MTUS2: variants seen among roughly 807,000 people sequenced by gnomAD.
MTUS2 encodes microtubule associated scaffold protein 2.
A neutral mutation model predicts 114.1 loss-of-function variants in MTUS2; 40 were observed. The ratio of observed to expected loss-of-function variants is 0.35; its 90% CI spans 0.27 to 0.46. The LOEUF (loss-of-function observed/expected upper bound fraction) is 0.46. MTUS2 is among the 20% of genes least tolerant of loss of function. The probability of loss-of-function intolerance (pLI) is 1.00; values close to 1 mark genes in which losing one functional copy is unlikely to be tolerated. For missense variants in MTUS2, 1,679 were observed against 1,705.4 expected (o/e 0.98, Z 0.27); for synonymous variants, 688 against 672.0 (o/e 1.02, Z -0.37).
chr13:29,324,898 T>G (rs1287112482), intron 7 of MTUS2, among the ~76,000 whole-genome samples, 187 bp downstream of exon 7: 2 of 152,236 alleles, frequency 1.3e-5, no homozygotes, highest in East Asian at 3.8e-4. Flanking sequence ...CATTTAATCT[T>G]AAAAAACAAG....
chr13:28,929,521 G>A (rs1362184341), intron 2 of MTUS2, among the ~76,000 whole-genome samples: 1 of 151,990 alleles, frequency 6.6e-6, no homozygotes, highest in Non-Finnish European at 1.5e-5. Context: ...TTTGAGCTTG[G>A]CCTGAAATAT....
intron 2 of MTUS2, among the ~76,000 whole-genome samples, chr13:28,897,431 A>G (rs1879346143): frequency 6.6e-6 from 1 of 152,228 alleles, no homozygotes; most frequent in Non-Finnish European, 1.5e-5. Context: ...AGAAATAGGA[A>G]CACATTTACA....
In MTUS2 at chr13:29,025,459, G is replaced by A. The variant is rs753996792; in HGVS notation, c.761G>A (p.Ser254Asn). 5.0e-6 allele frequency: 8 copies of A among 1,612,596 alleles called. No homozygotes were observed. The East Asian group carries it at 8.9e-5, about 18-fold the overall frequency. ...CCATCTACCTCAGAAAGCAAGCAGAGCACTCCCTCAGAGACCCAAACAGTG... is the reference window on the plus strand; with the variant it reads ...CCATCTACCTCAGAAAGCAAGCAGAACACTCCCTCAGAGACCCAAACAGTG... ...PKPSTSESKQ[S>N]TPSETQTVGA... is the part of the protein sequence containing the mutation. The change falls in exon 3 of 16, where the codon AGC becomes AAC. Residue 254 changes from serine (S) to asparagine (N), a missense_variant. Ser to Asn is a conservative substitution (Grantham distance 46). Transcript: ENST00000612955.
At chr13:29,492,098 GGTGT>G (rs1385356074) in intron 11 of MTUS2, among the ~76,000 whole-genome samples, 51 of 144,344 alleles carry the variant, frequency 3.5e-4, no homozygotes, top group African/African-American at 1.0e-3. Context: ...ATGCGTGGTA[GGTGT>G]GTATGTGTGT....
At chr13:29,267,360 T>C (rs1897704658) in intron 5 of MTUS2, among the ~76,000 whole-genome samples, 1 of 152,178 alleles carries the variant, frequency 6.6e-6, no homozygotes, top group Non-Finnish European at 1.5e-5. Context: ...CGTCCACCCT[T>C]GAGTGCCTTC....
intron 4 of MTUS2, among the ~76,000 whole-genome samples, chr13:29,052,459 CAAA>C (rs11325314): frequency 1.1e-4 from 10 of 94,832 alleles, no homozygotes; most frequent in Admixed American, 1.1e-4. Context: ...CTAGCCTGAG[CAAA>C]AAAAAAAAAA....
intron 5 of MTUS2, among the ~76,000 whole-genome samples, chr13:29,246,030 A>G (rs930725569): frequency 5.3e-5 from 8 of 152,188 alleles, no homozygotes; most frequent in Non-Finnish European, 1.2e-4. Flanking sequence ...CTTCTAGAAA[A>G]TGATCCCGGT....
At chr13:28,992,754 A>G (rs760945418) in intron 2 of MTUS2, among the ~76,000 whole-genome samples, 7 of 152,282 alleles carry the variant, frequency 4.6e-5, no homozygotes, top group African/African-American at 1.7e-4. Context: ...TATACACAAC[A>G]TACAATTTTC....
At chr13:28,841,600 G>A in intron 2 of MTUS2, among the ~76,000 whole-genome samples, 1 of 152,134 alleles carries the variant, frequency 6.6e-6, no homozygotes, top group Non-Finnish European at 1.5e-5. Context: ...GGGTGCTGGA[G>A]ACAAATTGAC....
At chr13:29,085,145 C>T (rs1889634214) in intron 4 of MTUS2, among the ~76,000 whole-genome samples, 1 of 152,140 alleles carries the variant, frequency 6.6e-6, no homozygotes, top group South Asian at 2.1e-4. Context: ...TTCCCTTTAC[C>T]TTCCACCATG....
At chr13:29,064,800 G>C (rs1241236355) in intron 4 of MTUS2, among the ~76,000 whole-genome samples, 1 of 152,046 alleles carries the variant, frequency 6.6e-6, no homozygotes, top group Non-Finnish European at 1.5e-5. Context: ...CCCTCAGGCA[G>C]GCTCCAGTGT....
At chr13:29,295,845 T>A in intron 6 of MTUS2, among the ~76,000 whole-genome samples, 1 of 152,074 alleles carries the variant, frequency 6.6e-6, no homozygotes, top group East Asian at 1.9e-4. Flanking sequence ...GAACTGCATT[T>A]TATAAAACCA....
chr13:29,365,051 T>G (rs960851000), intron 8 of MTUS2, among the ~76,000 whole-genome samples: 1 of 152,190 alleles, frequency 6.6e-6, no homozygotes, highest in Admixed American at 6.5e-5. Context: ...CTATGGTTGT[T>G]GTTCTGAAAG....
chr13:29,479,432 A>G (rs1880976352), intron 9 of MTUS2, among the ~76,000 whole-genome samples: 1 of 152,208 alleles, frequency 6.6e-6, no homozygotes, highest in Non-Finnish European at 1.5e-5. Context: ...GAGCTCAGGC[A>G]GGAGCGATGG....
chr13:28,849,421 T>G (rs1566175422), intron 2 of MTUS2, among the ~76,000 whole-genome samples: 1 of 152,138 alleles, frequency 6.6e-6, no homozygotes, highest in Non-Finnish European at 1.5e-5. Flanking sequence ...GAAAGCCCAG[T>G]TGGTCTACAG....
rs528708759 is a variant in MTUS2 at position 29,159,603 on chromosome 13, T to C, written c.2644+58633T>C. Reference sequence around the variant, plus strand: ...ATAGAAGATATTTGCAAACCACATATCTGACAAAGGACTAATATACATAAA... The same window carrying C: ...ATAGAAGATATTTGCAAACCACATACCTGACAAAGGACTAATATACATAAA... On this transcript the variant is annotated intron_variant, in intron 5 of 15. Transcript: ENST00000612955. 9.9e-5 allele frequency among the ~76,000 whole-genome samples: 15 copies of C among 151,600 alleles called. No individual in the cohort carries two copies. In the South Asian group the frequency reaches 3.1e-3, roughly 32 times the overall value.
chr13:29,039,106 CCAGTGCTTCCCATTGACATAGAGGA>C (rs1396464226), intron 4 of MTUS2, among the ~76,000 whole-genome samples: 3 of 152,184 alleles, frequency 2.0e-5, no homozygotes, highest in Non-Finnish European at 4.4e-5. Flanking sequence ...AGGTGCGGAC[CCAGTGCTTCCCATTGACATAGAGGA>C]CTTTGTAGCG....
At chr13:29,376,983 G>T (rs1871806042) in intron 8 of MTUS2, among the ~76,000 whole-genome samples, 1 of 152,034 alleles carries the variant, frequency 6.6e-6, no homozygotes, top group Admixed American at 6.6e-5. Context: ...TATATTCATA[G>T]AAGAAGAAGT....
rs202209779 is a variant in MTUS2, at chr13:29,026,505, A to T, written c.1807A>T (p.Thr603Ser). Residue 603 changes from threonine to serine, a missense_variant, in exon 3 of 16, where the codon ACA (threonine) becomes TCA (serine). Thr to Ser is a moderately conservative substitution (Grantham distance 58, BLOSUM62 1). Coordinates refer to ENST00000612955, the MANE Select transcript of MTUS2 (RefSeq NM_001033602.4). Reference sequence around the variant, plus strand: ...CAGTGGGATCCCCAAGCCTGTCTTCACACATTCCAAGGACACACCTTCCTC... The same window carrying T: ...CAGTGGGATCCCCAAGCCTGTCTTCTCACATTCCAAGGACACACCTTCCTC... ...CPSGIPKPVF[T>S]HSKDTPSSQE... 7.8e-5 allele frequency: 126 copies of T among 1,613,842 alleles called. No homozygotes were observed. Among genetic ancestry groups the T allele is most frequent in the Non-Finnish European group, 1.0e-4 (121 of 1,179,888 alleles).
Sources: gnomAD v4.1 joint callset for allele counts (sites outside exome capture counted in the v4.1 genomes callset) on GRCh38, gnomAD v4.1.1 for gene constraint, MANE v1.5 for transcripts, NCBI Gene and HGNC (gene_info 2026-07-23, HGNC 2026-07-21) for gene names.